CSN2: variants seen among roughly 807,000 people sequenced by gnomAD.
CSN2 encodes casein beta.
CSN2 carries 27 observed loss-of-function variants against 27.3 expected under a neutral mutation model. That is an observed-to-expected ratio of 0.99 (90% CI 0.73 to 1.36). The LOEUF (loss-of-function observed/expected upper bound fraction) is 1.36, where lower values mean the gene tolerates loss of function less well. Ranked by LOEUF, CSN2 falls within the 40% of genes most tolerant of loss-of-function variation. The probability of loss-of-function intolerance (pLI) is 0.00; values close to 1 mark genes in which losing one functional copy is unlikely to be tolerated. For synonymous variants in CSN2, 131 were observed against 94.8 expected (o/e 1.38, Z -2.22); for missense variants, 333 against 264.5 (o/e 1.26, Z -1.80).
At chr4:69,960,899 G>A in intron 2 of CSN2, 46 bp downstream of exon 2, 2 of 1,450,054 alleles carry the variant, frequency 1.4e-6, no homozygotes, top group African/African-American at 1.4e-5. Flanking sequence ...TAAGCATATA[G>A]TCCACTATTT....
chr4:69,956,211 T>A, intron 7 of CSN2, 103 bp downstream of exon 7: 1 of 712,790 alleles, frequency 1.4e-6, no homozygotes, highest in Non-Finnish European at 2.0e-6. Context: ...AGTTCTTGTA[T>A]GTATGAAATT....
At chr4:69,956,971 G>A (rs1723415417) in intron 6 of CSN2, among the ~76,000 whole-genome samples, 2 of 152,058 alleles carry the variant, frequency 1.3e-5, no homozygotes, top group African/African-American at 4.8e-5. Flanking sequence ...CATGGACACA[G>A]GAAGGGGAAC....
At chr4:69,960,719 T>C (rs2247569) in intron 2 of CSN2, among the ~76,000 whole-genome samples, 12,585 of 152,190 alleles carry the variant, frequency 0.083, 714 homozygotes, top group East Asian at 0.16. Context: ...TTTGTTTGCT[T>C]TTTCTTTAGT....
rs1462478411 is a variant in CSN2 at position 69,955,540 on chromosome 4, G to A, written c.*89C>T. ...ACTCATTCAAACATACTTAATTTGG[G>A]GTAACGTGATACAAAGACGGAAAAG... On this transcript the variant is annotated 3_prime_UTR_variant, in exon 8 of 8. Coordinates refer to ENST00000353151, the MANE Select transcript of CSN2 (RefSeq NM_001891.4). 6.6e-6 allele frequency: 1 copy of A among 152,360 alleles called. No homozygotes were observed. Among genetic ancestry groups the A allele is most frequent in the Non-Finnish European group, 1.5e-5 (1 of 67,936 alleles). The allele number at this position is 152,360 out of a possible 1,614,324, so 9.4% of individuals were successfully genotyped here. A position where few individuals can be genotyped will look rare whatever the true frequency, so the allele number is the denominator to read the frequency against.
At chr4:69,963,701 C>G (rs528165438) in intron 1 of CSN2, among the ~76,000 whole-genome samples, 53 of 152,178 alleles carry the variant, frequency 3.5e-4, no homozygotes, top group South Asian at 1.2e-3. Flanking sequence ...CAAACCTGCA[C>G]TTTGTGCACA....
Position 69,957,512 on chromosome 4 carries a change from A to AGCAGAG in CSN2, c.431_436dup (p.Pro144_Leu145dup). 1 of 1,613,936 alleles carries AGCAGAG rather than the reference A, an allele frequency of 6.2e-7. No homozygotes were observed. Among genetic ancestry groups the AGCAGAG allele is most frequent in the South Asian group, 1.1e-5 (1 of 91,076 alleles). On this transcript the variant is annotated inframe_insertion, in exon 6 of 8. Transcript: ENST00000353151. ...AGGGACCTGCTGCATCAAGGGCTGGAGCAGAGGCAGAGGAAGATGCAGATT... is the reference window on the plus strand; with the variant it reads ...AGGGACCTGCTGCATCAAGGGCTGGAGCAGAGGCAGAGGCAGAGGAAGATGCAGATT...
intron 2 of CSN2, 22 bp from the exon 3 acceptor site, chr4:69,960,101 A>C (rs753153446): frequency 3.0e-5 from 48 of 1,608,100 alleles, no homozygotes; most frequent in Non-Finnish European, 3.7e-5. Flanking sequence ...AAAAATTGAC[A>C]ACCAGCTAAA....
At chr4:69,959,479 A>G (rs1287334602) in intron 3 of CSN2, among the ~76,000 whole-genome samples, 4 of 152,122 alleles carry the variant, frequency 2.6e-5, no homozygotes, top group Admixed American at 2.6e-4. Flanking sequence ...TTCTGAAGAG[A>G]CAGAATCTAT....
chr4:69,963,644 T>A (rs1578146782), intron 1 of CSN2, among the ~76,000 whole-genome samples: 2 of 152,006 alleles, frequency 1.3e-5, no homozygotes, highest in African/African-American at 2.4e-5. Flanking sequence ...TTAAATGACG[T>A]GTTAATGGGT....
intron 1 of CSN2, among the ~76,000 whole-genome samples, chr4:69,965,427 T>TAC (rs1553887502): frequency 6.9e-6 from 1 of 143,962 alleles, no homozygotes; most frequent in African/African-American, 2.5e-5. Context: ...TATATATATA[T>TAC]ATATATATAT....
chr4:69,959,822 T>TA (rs952748390), intron 3 of CSN2, among the ~76,000 whole-genome samples: 16 of 146,444 alleles, frequency 1.1e-4, no homozygotes, highest in South Asian at 2.2e-4. Flanking sequence ...TATGGTTCAT[T>TA]AAAAAAAAAA....
At chr4:69,964,449 A>C (rs1723727745) in intron 1 of CSN2, among the ~76,000 whole-genome samples, 1 of 151,988 alleles carries the variant, frequency 6.6e-6, no homozygotes, top group Non-Finnish European at 1.5e-5. Context: ...TTTTGAACTA[A>C]ATTTTTGAAC....
chr4:69,960,909 T>C, intron 2 of CSN2, 36 bp downstream of exon 2: 1 of 1,573,448 alleles, frequency 6.4e-7, no homozygotes, highest in African/African-American at 1.3e-5. Context: ...GTCCACTATT[T>C]ATTGATTGTT....
chr4:69,963,179 G>A (rs900222789), intron 1 of CSN2, among the ~76,000 whole-genome samples: 13 of 152,280 alleles, frequency 8.5e-5, no homozygotes, highest in East Asian at 1.9e-4. Context: ...TCAGTGTGGC[G>A]ATTCCTCAGG....
chr4:69,959,776 C>G (rs1723512822), intron 3 of CSN2, among the ~76,000 whole-genome samples: 1 of 151,292 alleles, frequency 6.6e-6, no homozygotes, highest in Non-Finnish European at 1.5e-5. Flanking sequence ...TGAATAAGTT[C>G]AGAGTAAAGA....
chr4:69,959,533 G>C (rs777023999), intron 3 of CSN2, among the ~76,000 whole-genome samples: 2 of 152,082 alleles, frequency 1.3e-5, no homozygotes, highest in Non-Finnish European at 2.9e-5. Flanking sequence ...CCCAAGAAGA[G>C]TGGTGTAAGA....
rs1311712769 is a variant in CSN2, at chr4:69,957,349, T to G, written c.600A>C (p.Gln200His). The change falls in exon 6 of 8, where the codon CAA becomes CAC. Residue 200 changes from glutamine (Q) to histidine (H), a missense_variant. By Grantham distance (24) the Gln-to-His change is conservative. Transcript: ENST00000353151. ...GGTGGGTGGGGTTAAGTAGAAGTTCTTGGTTGAGCAGAAGGGCTTGAACAG... is the reference window on the plus strand; with the variant it reads ...GGTGGGTGGGGTTAAGTAGAAGTTCGTGGTTGAGCAGAAGGGCTTGAACAG... Reference protein sequence around the residue: ...AVPVQALLLNQELLLNPTHQI... With the variant: ...AVPVQALLLNHELLLNPTHQI... The G allele has an allele frequency of 6.2e-7, 1 of 1,612,034 alleles. No homozygotes were observed. The highest frequency in any genetic ancestry group is 8.5e-7 in the Non-Finnish European group (1 of 1,179,078).
chr4:69,965,617 C>T (rs1372995342), intron 1 of CSN2, among the ~76,000 whole-genome samples, 64 bp downstream of exon 1: 1 of 151,468 alleles, frequency 6.6e-6, no homozygotes, highest in Non-Finnish European at 1.5e-5. Flanking sequence ...CCTTCTATAG[C>T]TCAAGCTACT....
chr4:69,959,973 G>T, intron 3 of CSN2, 80 bp downstream of exon 3: 2 of 1,277,576 alleles, frequency 1.6e-6, no homozygotes, highest in Non-Finnish European at 2.3e-6. Context: ...AGCTGCATTA[G>T]CTTAACTGCC....
Sources: allele counts gnomAD v4.1 joint callset (sites outside exome capture counted in the v4.1 genomes callset), GRCh38; gene constraint gnomAD v4.1.1; transcripts MANE v1.5; gene names NCBI Gene and HGNC (gene_info 2026-07-23, HGNC 2026-07-21).